The following TG variants were observed in gnomAD, a reference collection of about 807,000 sequenced individuals.
TG encodes the protein thyroglobulin.
Under a neutral mutation model 324.7 loss-of-function variants are expected in TG, and 270 were observed. The observed-to-expected ratio is 0.83, with a 90% CI of 0.75 to 0.92. The LOEUF (loss-of-function observed/expected upper bound fraction) is 0.92. Ranked by LOEUF, TG falls within the 40% of genes least tolerant of loss-of-function variation. The probability of loss-of-function intolerance (pLI) is 0.00; values close to 1 mark genes in which losing one functional copy is unlikely to be tolerated. For synonymous variants in TG, 1,401 were observed against 1,327.0 expected (o/e 1.06, Z -1.21); for missense variants, 3,591 against 3,456.4 (o/e 1.04, Z -0.98).
chr8:132,987,040 G>T (rs2130728961), intron 35 of TG, among the ~76,000 whole-genome samples: 1 of 151,954 alleles, frequency 6.6e-6, no homozygotes, highest in Middle Eastern at 3.4e-3. Context: ...TTGTATTACT[G>T]ACATGTGAAT....
intron 40 of TG, among the ~76,000 whole-genome samples, chr8:133,025,998 T>C (rs756563564): frequency 2.0e-5 from 3 of 152,116 alleles, no homozygotes; most frequent in Non-Finnish European, 4.4e-5. Flanking sequence ...ATGAAGTGTG[T>C]GAGGACAAGC....
intron 41 of TG, among the ~76,000 whole-genome samples, chr8:133,091,144 T>A (rs1326272975): frequency 6.6e-6 from 1 of 152,254 alleles, no homozygotes; most frequent in Non-Finnish European, 1.5e-5. Context: ...CAGGATGTGC[T>A]ACTTGAATGT....
rs143848280 is a variant in TG, at chr8:133,129,709, C to T, written c.7863-2103C>T. On this transcript the variant is annotated intron_variant, in intron 45 of 47. Coordinates refer to ENST00000220616, the MANE Select transcript of TG (RefSeq NM_003235.5). ...ATGGGATTTTGTCATGTTGCCCAGGCTGGTTTTGAACTCCTGAGCTCAAGC... is the reference window on the plus strand; with the variant it reads ...ATGGGATTTTGTCATGTTGCCCAGGTTGGTTTTGAACTCCTGAGCTCAAGC... Among the ~76,000 whole-genome samples, 429 of 152,190 alleles carry T rather than the reference C, an allele frequency of 2.8e-3. 2 individuals are homozygous for T. The highest frequency in any genetic ancestry group is 4.9e-3 in the Non-Finnish European group (333 of 68,014).
At position 133,019,232 on chromosome 8, in the gene TG, A is replaced by G. The variant is rs542707775; in HGVS notation, c.6783-370A>G. On this transcript the variant is annotated intron_variant, in intron 38 of 47. Transcript: ENST00000220616. Reference sequence around the variant, plus strand: ...TGTAGGACTCTGTACTGGTGTAGAAAGCAGGTAGGACACCCCCTCCAGAGG... The same window carrying G: ...TGTAGGACTCTGTACTGGTGTAGAAGGCAGGTAGGACACCCCCTCCAGAGG... 9.2e-5 allele frequency among the ~76,000 whole-genome samples: 14 copies of G among 152,266 alleles called. No homozygotes were observed. The East Asian group carries it at 2.5e-3, about 27-fold the overall frequency.
intron 41 of TG, among the ~76,000 whole-genome samples, chr8:133,067,919 G>A (rs200697618): frequency 0.49 from 42,254 of 85,552 alleles, 7,251 homozygotes; most frequent in Admixed American, 0.56. Context: ...AGGAAGGAAA[G>A]AGAGAGAGAG....
At chr8:133,075,300 G>A (rs901528289) in intron 41 of TG, among the ~76,000 whole-genome samples, 9 of 152,140 alleles carry the variant, frequency 5.9e-5, no homozygotes, top group South Asian at 2.1e-4. Flanking sequence ...CTGGGCCCAC[G>A]AAGGCTGTGG....
intron 42 of TG, among the ~76,000 whole-genome samples, 160 bp from the exon 43 acceptor site, chr8:133,096,046 G>T (rs150574063): frequency 1.1e-3 from 166 of 152,298 alleles, no homozygotes; most frequent in African/African-American, 3.7e-3. Context: ...CCCTGACTTT[G>T]TCACATGGTG....
intron 25 of TG, among the ~76,000 whole-genome samples, chr8:132,940,189 G>A (rs1465150285): frequency 6.6e-6 from 1 of 152,122 alleles, no homozygotes; most frequent in Non-Finnish European, 1.5e-5. Flanking sequence ...CAAATAAGAT[G>A]GGGTGATCTG....
At chr8:132,943,609 C>T (rs954969950) in intron 26 of TG, among the ~76,000 whole-genome samples, 4 of 152,140 alleles carry the variant, frequency 2.6e-5, no homozygotes, top group African/African-American at 9.7e-5. Context: ...TAGCCCTTCT[C>T]CCTTCTTAAA....
chr8:133,113,512 C>G lies in TG; in HGVS notation c.7663C>G (p.Arg2555Gly), dbSNP rs370013278. 66 of 1,613,880 alleles carry G rather than the reference C, an allele frequency of 4.1e-5. No individual in the cohort carries two copies. Among genetic ancestry groups the G allele is most frequent in the Non-Finnish European group, 4.8e-5 (57 of 1,180,012 alleles). ...NSLGGEDSDA[R>G]VEAAATWYYS... is the part of the protein sequence containing the mutation. ...TCTGGGTGGCGAGGACTCAGATGCC[C>G]GCGTCGAGGCTGCTGCTACATGGTA... Residue 2555 changes from arginine to glycine, a missense_variant, in exon 44 of 48, where the codon CGC becomes GGC. By Grantham distance (125) the Arg-to-Gly change is moderately radical. Coordinates refer to ENST00000220616, the MANE Select transcript of TG (RefSeq NM_003235.5).
In TG at chr8:132,887,972, G is replaced by C; in HGVS notation, c.2177-12G>C. The C allele has an allele frequency of 6.2e-7, 1 of 1,609,688 alleles. No homozygotes were observed. The highest frequency in any genetic ancestry group is 2.2e-5 in the East Asian group (1 of 44,644). ...TCTTAAACTGAAACACCTGCTCATT[G>C]TTCCTCCCCAGGCCCCACGCCCTGT... is the stretch of plus-strand genomic sequence containing the variant. On this transcript the variant is annotated splice_polypyrimidine_tract_variant and intron_variant, in intron 9 of 47. Coordinates refer to ENST00000220616, the MANE Select transcript of TG (RefSeq NM_003235.5).
rs904824855 is a variant in TG, at chr8:133,029,765, T to G, written c.7037-56T>G. ...GCCTGCCATAGACAGCACCATGATT[T>G]TCAAATCCAAGGTTGTAAAGTCACA... On this transcript the variant is annotated intron_variant, in intron 40 of 47. Coordinates refer to ENST00000220616, the MANE Select transcript of TG (RefSeq NM_003235.5). 7.4e-6 allele frequency: 12 copies of G among 1,610,898 alleles called. No homozygotes were observed. The African/African-American group carries it at 1.5e-4, about 20-fold the overall frequency.
intron 41 of TG, chr8:133,049,938 T>C (rs1481286313): frequency 1.2e-6 from 2 of 1,613,576 alleles, no homozygotes; most frequent in African/African-American, 2.7e-5. Flanking sequence ...TCCAGGGATG[T>C]AACTCTCTCG....
At chr8:132,898,034 C>G in intron 12 of TG, 135 bp from the exon 13 acceptor site, 1 of 961,556 alleles carries the variant, frequency 1.0e-6, no homozygotes, top group African/African-American at 1.6e-5. Flanking sequence ...CAATGTCCGG[C>G]TGGGGGTCTA....
chr8:133,055,572 A>T (rs1841292121), intron 41 of TG, among the ~76,000 whole-genome samples: 1 of 152,094 alleles, frequency 6.6e-6, no homozygotes, highest in South Asian at 2.1e-4. Context: ...TTTTCTGCCC[A>T]AGCCTTGGTT....
chr8:133,001,810 C>T, intron 35 of TG: 1 of 985,462 alleles, frequency 1.0e-6, no homozygotes, highest in Non-Finnish European at 1.2e-6. Context: ...AAAGACTTTT[C>T]CTGCCTGAAA....
Position 132,961,108 on chromosome 8 carries a change from C to A in TG, c.5467+35C>A, listed in dbSNP as rs372066067. On this transcript the variant is annotated intron_variant, in intron 28 of 47. Transcript: ENST00000220616. ...GTGGTGGAAGAGGGGGTTAGCAGGA[C>A]GCTGATTACATGAGATTGTCTGGCA... 3.7e-6 allele frequency: 6 copies of A among 1,603,204 alleles called. No individual in the cohort carries two copies. The Middle Eastern group carries it at 5.0e-4, about 133-fold the overall frequency.
At chr8:133,073,432 T>C (rs1452978867) in intron 41 of TG, among the ~76,000 whole-genome samples, 1 of 152,188 alleles carries the variant, frequency 6.6e-6, no homozygotes, top group Non-Finnish European at 1.5e-5. Flanking sequence ...CTCAGCTCAC[T>C]GCAACCTGCA....
rs144605914 is a variant in TG, at chr8:132,912,306, A to G, written c.4160-741A>G. On this transcript the variant is annotated intron_variant, in intron 19 of 47. Coordinates refer to ENST00000220616, the MANE Select transcript of TG (RefSeq NM_003235.5). The stretch of plus-strand genomic sequence containing the variant: ...TCCCCTTCCATCTTTCTCCAAAGAG[A>G]GCCTGGATAATGTGGGTATGTTTGG... Among the ~76,000 whole-genome samples the G allele has an allele frequency of 3.1e-3, 479 of 152,262 alleles. 2 individuals carry two copies. The highest frequency in any genetic ancestry group is 0.011 in the African/African-American group (469 of 41,546).
Sources: gnomAD v4.1 joint callset for allele counts (sites outside exome capture counted in the v4.1 genomes callset) on GRCh38, gnomAD v4.1.1 for gene constraint, MANE v1.5 for transcripts, NCBI Gene and HGNC (gene_info 2026-07-23, HGNC 2026-07-21) for gene names.